KIAA2012: variants seen among roughly 807,000 people sequenced by gnomAD.
The protein encoded by KIAA2012 is KIAA2012.
In KIAA2012, 125 loss-of-function variants were observed where a neutral mutation model predicts 150.6. The ratio of observed to expected loss-of-function variants is 0.83; its 90% confidence interval spans 0.72 to 0.96. KIAA2012 has a LOEUF of 0.96. Among genes scored for constraint, KIAA2012 ranks in the 40% least tolerant of loss-of-function variants. The probability of loss-of-function intolerance (pLI) is 0.00; values close to 1 mark genes in which losing one functional copy is unlikely to be tolerated. For synonymous variants in KIAA2012, 462 were observed against 504.7 expected (o/e 0.92, Z 1.13); for missense variants, 1,219 against 1,354.9 (o/e 0.90, Z 1.57).
chr2:202,202,624 C>T (rs1015011110), intron 23 of KIAA2012, 37 bp downstream of exon 23: 6 of 398,204 alleles, frequency 1.5e-5, no homozygotes, highest in African/African-American at 1.0e-4. Context: ...GGAGAAATTC[C>T]CCTTTATAAT....
chr2:202,149,223 G>C (rs928262613), intron 13 of KIAA2012, among the ~76,000 whole-genome samples: 4 of 152,114 alleles, frequency 2.6e-5, no homozygotes, highest in Non-Finnish European at 5.9e-5. Flanking sequence ...GGAGTCAAAG[G>C]ACAGACTATC....
intron 2 of KIAA2012, among the ~76,000 whole-genome samples, chr2:202,079,966 C>T (rs1301776461): frequency 1.3e-5 from 2 of 152,176 alleles, no homozygotes; most frequent in Non-Finnish European, 2.9e-5. Flanking sequence ...ATTCAATCTG[C>T]ACAAGCCTAA....
chr2:202,174,111 G>C (rs1691947980), intron 15 of KIAA2012, among the ~76,000 whole-genome samples: 1 of 152,100 alleles, frequency 6.6e-6, no homozygotes. Context: ...GATTACAGTT[G>C]CTCACCACCG....
At chr2:202,165,600 A>C (rs12467512) in intron 15 of KIAA2012, among the ~76,000 whole-genome samples, 20,511 of 152,136 alleles carry the variant, frequency 0.13, 1,735 homozygotes, top group South Asian at 0.27. Flanking sequence ...GCATGCCTGT[A>C]ATCCCAGCTA....
chr2:202,182,237 G>A (rs1329217187), intron 15 of KIAA2012, among the ~76,000 whole-genome samples: 4 of 148,140 alleles, frequency 2.7e-5, no homozygotes, highest in Non-Finnish European at 5.9e-5. Flanking sequence ...TCAGCCTCCC[G>A]AGTAGCTGGG....
chr2:202,093,382 G>A (rs1038647179), intron 4 of KIAA2012, among the ~76,000 whole-genome samples, 197 bp downstream of exon 4: 1 of 152,192 alleles, frequency 6.6e-6, no homozygotes, highest in Non-Finnish European at 1.5e-5. Flanking sequence ...CATATGGGCT[G>A]TCCAATAAAG....
At chr2:202,080,827 T>A (rs1355017404) in intron 2 of KIAA2012, among the ~76,000 whole-genome samples, 1 of 152,178 alleles carries the variant, frequency 6.6e-6, no homozygotes, top group Non-Finnish European at 1.5e-5. Flanking sequence ...GGTGCCTTTT[T>A]TATTGTAGCA....
At chr2:202,141,113 G>T (rs987042433) in intron 13 of KIAA2012, among the ~76,000 whole-genome samples, 3 of 152,188 alleles carry the variant, frequency 2.0e-5, no homozygotes, top group African/African-American at 7.2e-5. Context: ...GGCGTTCCCT[G>T]GGCTGGAGGC....
At chr2:202,124,482 ACT>A (rs1267926308) in intron 11 of KIAA2012, among the ~76,000 whole-genome samples, 3 of 151,696 alleles carry the variant, frequency 2.0e-5, no homozygotes, top group Non-Finnish European at 4.4e-5. Flanking sequence ...CTGGTCCAAC[ACT>A]CTGTTTGTGC....
intron 8 of KIAA2012, among the ~76,000 whole-genome samples, 191 bp downstream of exon 8, chr2:202,103,305 T>C (rs1022621766): frequency 8.8e-4 from 134 of 152,318 alleles, no homozygotes; most frequent in Middle Eastern, 3.4e-3. Context: ...ATTTTTAAAA[T>C]ATTTATTATA....
At chr2:202,181,055 G>A (rs944394008) in intron 15 of KIAA2012, among the ~76,000 whole-genome samples, 2 of 152,020 alleles carry the variant, frequency 1.3e-5, no homozygotes, top group African/African-American at 2.4e-5. Flanking sequence ...CGGCAGCTTC[G>A]ATCTCCCAAG....
chr2:202,177,206 C>T (rs762181737), intron 15 of KIAA2012, among the ~76,000 whole-genome samples: 1 of 152,018 alleles, frequency 6.6e-6, no homozygotes, highest in African/African-American at 2.4e-5. Context: ...GAACAAGTTA[C>T]ATAAATAATA....
chr2:202,197,178 A>AC, intron 22 of KIAA2012, 159 bp downstream of exon 22: 1 of 1,122,080 alleles, frequency 8.9e-7, no homozygotes, highest in Non-Finnish European at 1.2e-6. Flanking sequence ...CTTTTGCTGC[A>AC]AATGTCAAGG....
At chr2:202,078,090 T>C (rs1689363450) in intron 2 of KIAA2012, among the ~76,000 whole-genome samples, 2 of 152,214 alleles carry the variant, frequency 1.3e-5, no homozygotes, top group South Asian at 2.1e-4. Context: ...CCCTAGGACA[T>C]AATCAGATGT....
At chr2:202,082,861 T>A (rs2105910490) in intron 2 of KIAA2012, among the ~76,000 whole-genome samples, 1 of 152,200 alleles carries the variant, frequency 6.6e-6, no homozygotes, top group African/African-American at 2.4e-5. Flanking sequence ...TTTTTTTTTT[T>A]TTTTGCATGT....
At chr2:202,156,270 C>T (rs774391671) in intron 14 of KIAA2012, among the ~76,000 whole-genome samples, 16 of 152,020 alleles carry the variant, frequency 1.1e-4, no homozygotes, top group Non-Finnish European at 1.9e-4. Flanking sequence ...ATATTTGTTA[C>T]GAGTATTCAA....
chr2:202,196,361 A>AT (rs1692415224), intron 21 of KIAA2012, among the ~76,000 whole-genome samples: 1 of 150,484 alleles, frequency 6.6e-6, no homozygotes, highest in South Asian at 2.1e-4. Context: ...CGCCCCGCTA[A>AT]TTTTTTTGTG....
chr2:202,202,351 G>A (rs1379987768), intron 22 of KIAA2012, 78 bp from the exon 23 acceptor site: 1 of 400,558 alleles, frequency 2.5e-6, no homozygotes, highest in Non-Finnish European at 4.4e-6. Context: ...CAAATCTAAA[G>A]TTATCTTGCT....
intron 4 of KIAA2012, among the ~76,000 whole-genome samples, chr2:202,095,552 T>C (rs987215458): frequency 6.6e-6 from 1 of 152,250 alleles, no homozygotes; most frequent in African/African-American, 2.4e-5. Context: ...ATAGAGAGAC[T>C]AAGTTTTGTG....
Sources: allele counts gnomAD v4.1 joint callset (sites outside exome capture counted in the v4.1 genomes callset), GRCh38; gene constraint gnomAD v4.1.1; transcripts MANE v1.5; gene names NCBI Gene and HGNC (gene_info 2026-07-23, HGNC 2026-07-21).